MUC6: variants seen among roughly 807,000 people sequenced by gnomAD.
MUC6 encodes the protein mucin 6, oligomeric mucus/gel-forming (gene/pseudogene).
Under a neutral mutation model 201.5 loss-of-function variants are expected in MUC6, and 188 were observed. That is an observed-to-expected ratio of 0.93 (90% CI 0.83 to 1.05). The LOEUF (loss-of-function observed/expected upper bound fraction) is 1.05, where lower values mean the gene tolerates loss of function less well. Ranked by LOEUF, MUC6 falls within the 50% of genes least tolerant of loss-of-function variation. The pLI is 0.00. For missense variants in MUC6, 2,706 were observed against 3,256.9 expected (o/e 0.83, Z 4.12); for synonymous variants, 1,228 against 1,389.4 (o/e 0.88, Z 2.58).
rs1474361936 is a variant in MUC6 at position 1,033,154 on chromosome 11, C to T, written c.53-79G>A. 3 of 1,403,182 alleles carry T rather than the reference C, an allele frequency of 2.1e-6. No homozygotes were observed. Among genetic ancestry groups the T allele is most frequent in the Non-Finnish European group, 2.0e-6 (2 of 991,316 alleles). 86.9% of individuals were successfully genotyped at this position (1,403,182 alleles called of 1,614,324 possible). On this transcript the variant is annotated intron_variant, in intron 1 of 32. Transcript: ENST00000421673. The surrounding 1 kb of genome is among the most constrained non-coding windows in gnomAD (Gnocchi z 5.6). Reference sequence around the variant, plus strand: ...CGCCGCTCACCTCTGCTCAGGGCTGCTCCGCCCGTTTCCCTGCACACACTC... The same window carrying T: ...CGCCGCTCACCTCTGCTCAGGGCTGTTCCGCCCGTTTCCCTGCACACACTC...
At position 1,031,061 on chromosome 11, in the gene MUC6, G is replaced by GA; in HGVS notation, c.575-6_575-5insT. The GA allele has an allele frequency of 6.4e-7, 1 of 1,558,868 alleles. No individual in the cohort carries two copies. The highest frequency in any genetic ancestry group is 8.7e-7 in the Non-Finnish European group (1 of 1,153,068). On this transcript the variant is annotated splice_region_variant and splice_polypyrimidine_tract_variant and intron_variant, in intron 5 of 32. Coordinates refer to ENST00000421673, the MANE Select transcript of MUC6 (RefSeq NM_005961.3). ...TGTGGGGTTCCAGGAACTTGCCTGG[G>GA]GTGCAGAATGGGGGTCAGCACCGTG...
chr11:1,014,022 C>T, intron 31 of MUC6, 21 bp from the exon 32 acceptor site: 1 of 1,578,950 alleles, frequency 6.3e-7, no homozygotes, highest in Middle Eastern at 1.7e-4. Context: ...AGTGGACGGT[C>T]AGCAGCGCCC....
Position 1,023,982 on chromosome 11 carries a change from C to CAA in MUC6, c.3346_3347insTT (p.Gly1116ValfsTer109). Reference sequence around the variant, plus strand: ...CGGGGTCCTCCAGTCCACGCACACACCCTTGTCCAGACAGGCTTGGGCGTA... The same window carrying CAA: ...CGGGGTCCTCCAGTCCACGCACACACAACCTTGTCCAGACAGGCTTGGGCGTA... On this transcript the variant is annotated frameshift_variant, in exon 25 of 33. Transcript: ENST00000421673. LOFTEE classifies it high-confidence loss of function. The CAA allele has an allele frequency of 6.2e-7, 1 of 1,612,838 alleles. No homozygotes were observed.
chr11:1,030,658 G>T lies in MUC6; in HGVS notation c.807C>A (p.Ser269Arg). Residue 269 changes from serine (S) to arginine (R), a missense_variant, in exon 7 of 33, where the codon AGC (serine) becomes AGA (arginine). Transcript: ENST00000421673. ...AAAPQPGPQN[S>R]SCATLSEYSR... The stretch of plus-strand genomic sequence containing the variant: ...AGTACTCCGACAGGGTGGCACAACT[G>T]CTGTTCTGTGGGCCTGGCTGGGGGG... 1 of 1,549,776 alleles carries T rather than the reference G, an allele frequency of 6.5e-7. No individual in the cohort carries two copies.
At position 1,018,041 on chromosome 11, in the gene MUC6, G is replaced by A. The variant is rs772242138; in HGVS notation, c.4760C>T (p.Ser1587Phe). 28 of 1,613,886 alleles carry A rather than the reference G, an allele frequency of 1.7e-5. No individual in the cohort carries two copies. The highest frequency in any genetic ancestry group is 2.0e-5 in the Non-Finnish European group (24 of 1,179,838). Reference sequence around the variant, plus strand: ...GGATGTTGCCGTCATGGGACCTGTGGAAGAGAAGGGACTGCTCCCTGTAGG... The same window carrying A: ...GGATGTTGCCGTCATGGGACCTGTGAAAGAGAAGGGACTGCTCCCTGTAGG... ...SPPTGSSPFS[S>F]TGPMTATSFK... The change falls in exon 31 of 33, where the codon TCC (serine) becomes TTC (phenylalanine). Residue 1587 changes from serine to phenylalanine, a missense_variant. Ser to Phe is a radical substitution (Grantham distance 155). Coordinates refer to ENST00000421673, the MANE Select transcript of MUC6 (RefSeq NM_005961.3).
rs56047987 is a variant in MUC6, at chr11:1,028,089, C to T, written c.1754-30G>A. The T allele has an allele frequency of 4.5e-3, 6,923 of 1,551,824 alleles. 26 individuals are homozygous for T. The highest frequency in any genetic ancestry group is 5.8e-3 in the Admixed American group (300 of 51,612). ...GGATGACAGGCCCGGGCGTGAGTCC[C>T]GGCCCCTCCCATTCCAGCTACGGCT... On this transcript the variant is annotated intron_variant, in intron 14 of 32. Coordinates refer to ENST00000421673, the MANE Select transcript of MUC6 (RefSeq NM_005961.3).
chr11:1,025,444 C>G (rs1698605074), intron 22 of MUC6, 77 bp from the exon 23 acceptor site: 1 of 1,517,198 alleles, frequency 6.6e-7, no homozygotes, highest in South Asian at 1.2e-5. Context: ...ACCGAGCTCT[C>G]AGAGACAGAG....
intron 31 of MUC6, 29 bp from the exon 32 acceptor site, chr11:1,014,030 C>T (rs779182377): frequency 1.8e-5 from 28 of 1,568,446 alleles, no homozygotes; most frequent in Non-Finnish European, 2.2e-5. Context: ...GTCAGCAGCG[C>T]CCAGGGTGGG....
intron 26 of MUC6, 40 bp from the exon 27 acceptor site, chr11:1,021,317 C>T (rs558711318): frequency 1.4e-6 from 2 of 1,414,628 alleles, no homozygotes; most frequent in South Asian, 1.5e-5. Flanking sequence ...GACTGGTGGC[C>T]AGCCAGGCCC....
At position 1,017,597 on chromosome 11, in the gene MUC6, T is replaced by C; in HGVS notation, c.5204A>G (p.Gln1735Arg). The C allele has an allele frequency of 1.0e-6, 1 of 973,472 alleles. No homozygotes were observed. The highest frequency in any genetic ancestry group is 5.0e-5 in the Admixed American group (1 of 20,158). 60.3% of individuals were successfully genotyped at this position (973,472 alleles called of 1,614,324 possible). A position where few individuals can be genotyped will look rare whatever the true frequency, so the allele number is the denominator to read the frequency against. The change falls in exon 31 of 33, where the codon CAA (glutamine) becomes CGA (arginine). Residue 1735 changes from glutamine (Q) to arginine (R), a missense_variant. Transcript: ENST00000421673. ...GGCCGTGCTAAATGAGCTTCGGGAT[T>C]GGCTGGTCCCACTGGTGGTCACTGT... ...PMTVTTSGTSQSRSSFSTAKT... is the reference protein window; with the variant it reads ...PMTVTTSGTSRSRSSFSTAKT...
In MUC6 at chr11:1,019,425, A is replaced by G. The variant is rs1856759435; in HGVS notation, c.3880T>C (p.Ser1294Pro). ...SGLPPTATLR[S>P]TATKPTVTQA... ...GTCACTGTGGGTTTTGTGGCTGTCG[A>G]TCTCAGTGTGGCTGTGGGAGGCAGC... Residue 1294 changes from serine (S) to proline (P), a missense_variant, in exon 30 of 33, where the codon TCG (serine) becomes CCG (proline). By Grantham distance (74) the Ser-to-Pro change is moderately conservative. This residue lies in a region of MUC6 where 1,850 missense variants were observed against 1,958.3 expected (regional missense o/e 0.94). Coordinates refer to ENST00000421673, the MANE Select transcript of MUC6 (RefSeq NM_005961.3). 6.2e-7 allele frequency: 1 copy of G among 1,612,808 alleles called. No homozygotes were observed.
chr11:1,031,461 G>A (rs1857103136), intron 4 of MUC6, 146 bp downstream of exon 4: 3 of 1,320,014 alleles, frequency 2.3e-6, no homozygotes, highest in Non-Finnish European at 3.0e-6. Flanking sequence ...TGCTGGTCAG[G>A]GGTCAGCACT....
rs116940265 is a variant in MUC6 at position 1,032,782 on chromosome 11, C to T, written c.115+231G>A. Among the ~76,000 whole-genome samples the T allele has an allele frequency of 4.7e-3, 677 of 144,918 alleles. 6 individuals carry two copies. The highest frequency in any genetic ancestry group is 0.026 in the South Asian group (119 of 4,536). On this transcript the variant is annotated intron_variant, in intron 2 of 32. Transcript: ENST00000421673. ...TGTAGAGTGTTGGGTGTGTGTGTGACGTGTGCTCATGCATGTGTCATGTAC... is the reference window on the plus strand; with the variant it reads ...TGTAGAGTGTTGGGTGTGTGTGTGATGTGTGCTCATGCATGTGTCATGTAC...
At chr11:1,032,960 A>G (rs1403589142) in intron 2 of MUC6, 53 bp downstream of exon 2, 27 of 1,515,536 alleles carry the variant, frequency 1.8e-5, no homozygotes, top group Non-Finnish European at 2.4e-5. Context: ...TCTCTCCTGC[A>G]CACCGGGCCT....
In MUC6 at chr11:1,018,197, G is replaced by T; in HGVS notation, c.4604C>A (p.Pro1535His). 6.2e-7 allele frequency: 1 copy of T among 1,614,004 alleles called. No homozygotes were observed. Among genetic ancestry groups the T allele is most frequent in the Non-Finnish European group, 8.5e-7 (1 of 1,179,840 alleles). Residue 1535 changes from proline (P) to histidine (H), a missense_variant, in exon 31 of 33, where the codon CCT becomes CAT. This residue lies in a region of MUC6 where 128 missense variants were observed against 206.5 expected (regional missense o/e 0.62). Transcript: ENST00000421673. Reference sequence around the variant, plus strand: ...GGTAGTAGAAGTTGGGGTGACTTCAGGATGGTGTGTGGAGGAAGTGTGTGA... The same window carrying T: ...GGTAGTAGAAGTTGGGGTGACTTCATGATGGTGTGTGGAGGAAGTGTGTGA... ...LHSHTSSTHHPEVTPTSTTTI... is the reference protein window; with the variant it reads ...LHSHTSSTHHHEVTPTSTTTI...
In MUC6 at chr11:1,018,603, G is replaced by A; in HGVS notation, c.4198C>T (p.Pro1400Ser). The stretch of plus-strand genomic sequence containing the variant: ...GAGTGTGTGGTGTGTGGGGTTTGGG[G>A]CGTTGTGTATTCAGTAGTCGTTCTT... ...QTRTTTEYTT[P>S]QTPHTTHSPP... The change falls in exon 31 of 33, where the codon CCC becomes TCC. Residue 1400 changes from proline (P) to serine (S), a missense_variant. Around this residue, in one of 10 missense-constraint regions of MUC6, gnomAD observed 1,850 missense variants for 1,958.3 expected, o/e 0.94. Coordinates refer to ENST00000421673, the MANE Select transcript of MUC6 (RefSeq NM_005961.3). 2.5e-6 allele frequency: 4 copies of A among 1,613,606 alleles called. No individual in the cohort carries two copies. The highest frequency in any genetic ancestry group is 3.4e-6 in the Non-Finnish European group (4 of 1,179,754).
chr11:1,025,733 C>T lies in MUC6; in HGVS notation c.2799+72G>A, dbSNP rs115491288. 3.9e-3 allele frequency: 5,417 copies of T among 1,376,498 alleles called. 197 individuals carry two copies. In the African/African-American group the frequency reaches 0.068, roughly 17 times the overall value. The allele number at this position is 1,376,498 out of a possible 1,614,324, so 85.3% of individuals were successfully genotyped here. A position where few individuals can be genotyped will look rare whatever the true frequency, so the allele number is the denominator to read the frequency against. On this transcript the variant is annotated intron_variant, in intron 22 of 32. Coordinates refer to ENST00000421673, the MANE Select transcript of MUC6 (RefSeq NM_005961.3). ...GGGGCAGGACCTGGAGGCTCCAGTG[C>T]GCGGGATCCAGCTGTGTGGCAGGGC...
At position 1,023,938 on chromosome 11, in the gene MUC6, GTCAC is replaced by G. The variant is rs1457488424; in HGVS notation, c.3382+5_3382+8del. 3 of 1,611,096 alleles carry G rather than the reference GTCAC, an allele frequency of 1.9e-6. No individual in the cohort carries two copies. Among genetic ancestry groups the G allele is most frequent in the Non-Finnish European group, 8.5e-7 (1 of 1,178,956 alleles). The stretch of plus-strand genomic sequence containing the variant: ...GCTGGAGCAACCTGTGGGAGGGGTG[GTCAC>G]TCACGGCAGAAGGCCGGGGTCCTCC... On this transcript the variant is annotated splice_donor_5th_base_variant and intron_variant, in intron 25 of 32. Coordinates refer to ENST00000421673, the MANE Select transcript of MUC6 (RefSeq NM_005961.3).
Position 1,028,691 on chromosome 11 carries a change from G to A in MUC6, c.1546C>T (p.Gln516Ter), listed in dbSNP as rs750342058. ...ELVVQLRPIF[Q>*]AYVTVGPQFR... ...TGGGGCCCAACAGTGACATAGGCCT[G>A]GAAGATGGGGCGCAGCTGGACCACG... The change falls in exon 13 of 33, where the codon CAG (glutamine) becomes TAG (stop). Residue 516 changes from glutamine (Q) to a stop codon, truncating the protein, a stop_gained. Transcript: ENST00000421673. LOFTEE classifies it high-confidence loss of function. The A allele has an allele frequency of 1.9e-6, 3 of 1,611,100 alleles. No homozygotes were observed. In the East Asian group the frequency reaches 6.7e-5, roughly 36 times the overall value.
Sources: gnomAD v4.1 joint callset for allele counts (sites outside exome capture counted in the v4.1 genomes callset) on GRCh38, gnomAD v4.1.1 for gene constraint, gnomAD v4.1.1 regional missense constraint, Gnocchi (gnomAD v3.1) non-coding constraint, MANE v1.5 for transcripts, NCBI Gene and HGNC (gene_info 2026-07-23, HGNC 2026-07-21) for gene names.